The following FRRS1 variants were observed in gnomAD, a reference collection of about 807,000 sequenced individuals.
FRRS1 encodes the protein ferric reductase 1.
A neutral mutation model predicts 70.7 loss-of-function variants in FRRS1; 51 were observed. The ratio of observed to expected loss-of-function variants is 0.72; its 90% confidence interval spans 0.58 to 0.91. The LOEUF (loss-of-function observed/expected upper bound fraction) is 0.91. Ranked by LOEUF, FRRS1 falls within the 40% of genes least tolerant of loss-of-function variation. The pLI is 0.00. For synonymous variants in FRRS1, 225 were observed against 238.7 expected (o/e 0.94, Z 0.53); for missense variants, 672 against 726.0 (o/e 0.93, Z 0.86).
At chr1:99,709,363 G>T in intron 15 of FRRS1, 104 bp from the exon 16 acceptor site, 1 of 745,756 alleles carries the variant, frequency 1.3e-6, no homozygotes, top group South Asian at 1.7e-5. Context: ...TTCCAGGGTA[G>T]AAATTCTCCC....
At chr1:99,751,430 G>C (rs1167372617) in intron 1 of FRRS1, among the ~76,000 whole-genome samples, 1 of 151,914 alleles carries the variant, frequency 6.6e-6, no homozygotes, top group East Asian at 1.9e-4. Flanking sequence ...ATTTTAATCT[G>C]TAACTGTGGA....
At chr1:99,717,178 T>A (rs1009175623) in intron 11 of FRRS1, among the ~76,000 whole-genome samples, 3 of 152,204 alleles carry the variant, frequency 2.0e-5, no homozygotes, top group Non-Finnish European at 2.9e-5. Flanking sequence ...CACATGGTCC[T>A]GACACATTCT....
At chr1:99,762,204 G>A (rs1244663804) in intron 1 of FRRS1, among the ~76,000 whole-genome samples, 7 of 152,164 alleles carry the variant, frequency 4.6e-5, no homozygotes, top group African/African-American at 2.4e-5. Flanking sequence ...GAGAATCAAA[G>A]GTAGAAATAA....
intron 9 of FRRS1, among the ~76,000 whole-genome samples, chr1:99,726,014 G>C: frequency 6.6e-6 from 1 of 152,202 alleles, no homozygotes; most frequent in African/African-American, 2.4e-5. Flanking sequence ...GTTTGGGTCT[G>C]TGCTCCCACC....
chr1:99,712,659 C>T, intron 12 of FRRS1, 144 bp from the exon 13 acceptor site: 1 of 545,448 alleles, frequency 1.8e-6, no homozygotes. Context: ...TAATATGCAA[C>T]ATTCACTGAG....
At chr1:99,736,597 C>T (rs2100955612) in intron 7 of FRRS1, among the ~76,000 whole-genome samples, 1 of 120,970 alleles carries the variant, frequency 8.3e-6, no homozygotes, top group African/African-American at 4.5e-5. Context: ...GGAAGGGGGA[C>T]ATCACACTCC....
At chr1:99,717,841 C>T (rs1654610874) in intron 10 of FRRS1, among the ~76,000 whole-genome samples, 1 of 152,044 alleles carries the variant, frequency 6.6e-6, no homozygotes, top group Admixed American at 6.6e-5. Context: ...AGAAACAAAG[C>T]CATAGAGAAT....
rs138854799 is a variant in FRRS1, at chr1:99,734,539, G to T, written c.759+3547C>A. 2.0e-5 allele frequency among the ~76,000 whole-genome samples: 3 copies of T among 152,250 alleles called. No individual in the cohort carries two copies. In the East Asian group the frequency reaches 5.8e-4, roughly 29 times the overall value. On this transcript the variant is annotated intron_variant, in intron 7 of 16. Coordinates refer to ENST00000646001, the MANE Select transcript of FRRS1 (RefSeq NM_001361041.2). Reference sequence around the variant, plus strand: ...TACTATCTTTTTAACTTTTATTGAGGTTTAAAACTTTTCAAAACAAAAAAT... The same window carrying T: ...TACTATCTTTTTAACTTTTATTGAGTTTTAAAACTTTTCAAAACAAAAAAT...
At chr1:99,713,189 C>A (rs1654358552) in intron 12 of FRRS1, among the ~76,000 whole-genome samples, 1 of 152,104 alleles carries the variant, frequency 6.6e-6, no homozygotes. Flanking sequence ...AGATACTATA[C>A]CACCCCCATT....
intron 12 of FRRS1, among the ~76,000 whole-genome samples, chr1:99,713,633 G>T (rs1420439188): frequency 1.3e-5 from 2 of 152,118 alleles, no homozygotes; most frequent in Non-Finnish European, 2.9e-5. Flanking sequence ...CATAATAAAA[G>T]CACAGGCTCT....
chr1:99,749,047 T>C, intron 1 of FRRS1, 46 bp from the exon 2 acceptor site: 1 of 264,240 alleles, frequency 3.8e-6, no homozygotes, highest in South Asian at 6.0e-5. Context: ...CTGTTTTTTT[T>C]TTCTCGAGAC....
At chr1:99,746,499 T>C (rs974185386) in intron 4 of FRRS1, among the ~76,000 whole-genome samples, 14 of 152,048 alleles carry the variant, frequency 9.2e-5, no homozygotes, top group African/African-American at 3.1e-4. Context: ...ACTGTGAATA[T>C]GGAAAAAAAA....
chr1:99,759,258 G>A (rs1657002797), intron 1 of FRRS1, among the ~76,000 whole-genome samples: 1 of 152,150 alleles, frequency 6.6e-6, no homozygotes, highest in Non-Finnish European at 1.5e-5. Context: ...AGGCTCAGGG[G>A]GCATCAGGGT....
chr1:99,720,321 T>C (rs1654750092), intron 9 of FRRS1, among the ~76,000 whole-genome samples: 1 of 152,214 alleles, frequency 6.6e-6, no homozygotes, highest in Non-Finnish European at 1.5e-5. Flanking sequence ...GAATCTATCT[T>C]ACCAAAGATA....
chr1:99,733,323 G>T (rs1571123453), intron 7 of FRRS1, among the ~76,000 whole-genome samples: 1 of 152,184 alleles, frequency 6.6e-6, no homozygotes, highest in East Asian at 1.9e-4. Context: ...CAAAGAGAAT[G>T]AAAGAGGTAC....
rs1484684342 is a variant in FRRS1, at chr1:99,705,525, C to T, written c.*3503G>A. ...AGATAAATAGAATTTCAGCCAAACA[C>T]TACATGTGCCCTGAGAGCTTCCTAG... On this transcript the variant is annotated 3_prime_UTR_variant, in exon 17 of 17. Transcript: ENST00000646001. Among the ~76,000 whole-genome samples, 1 of 152,170 alleles carries T rather than the reference C, an allele frequency of 6.6e-6. No homozygotes were observed. Among genetic ancestry groups the T allele is most frequent in the Non-Finnish European group, 1.5e-5 (1 of 68,026 alleles).
intron 9 of FRRS1, among the ~76,000 whole-genome samples, chr1:99,724,786 C>T (rs1487676133): frequency 6.7e-6 from 1 of 148,484 alleles, no homozygotes; most frequent in Non-Finnish European, 1.5e-5. Flanking sequence ...TTGCACTGTA[C>T]CAGTTAAAAA....
At chr1:99,721,605 T>C (rs1487163340) in intron 9 of FRRS1, among the ~76,000 whole-genome samples, 2 of 151,506 alleles carry the variant, frequency 1.3e-5, no homozygotes, top group South Asian at 2.1e-4. Flanking sequence ...ATTCTTTTTT[T>C]TTTTTTTTCT....
intron 9 of FRRS1, among the ~76,000 whole-genome samples, chr1:99,724,810 C>G (rs1474537473): frequency 6.6e-6 from 1 of 151,342 alleles, no homozygotes; most frequent in Non-Finnish European, 1.5e-5. Flanking sequence ...AAAAAATTAG[C>G]TTGTGCTGCA....
Sources: allele counts gnomAD v4.1 joint callset (sites outside exome capture counted in the v4.1 genomes callset), GRCh38; gene constraint gnomAD v4.1.1; transcripts MANE v1.5; gene names NCBI Gene and HGNC (gene_info 2026-07-23, HGNC 2026-07-21).